The following PRKCE variants were observed in gnomAD, a reference collection of about 807,000 sequenced individuals.
The protein encoded by PRKCE is protein kinase C epsilon, also known as protein kinase C epsilon type.
In PRKCE, 16 loss-of-function variants were observed where a neutral mutation model predicts 85.4. That is an observed-to-expected ratio of 0.19 (90% CI 0.13 to 0.28). The LOEUF is 0.28. PRKCE is among the 10% of genes least tolerant of loss of function. PRKCE has a pLI of 1.00. For synonymous variants in PRKCE, 388 were observed against 371.5 expected (o/e 1.04, Z -0.51); for missense variants, 573 against 975.2 (o/e 0.59, Z 5.49).
chr2:45,984,739 C>T, intron 6 of PRKCE, 59 bp downstream of exon 6: 1 of 1,555,590 alleles, frequency 6.4e-7, no homozygotes, highest in Non-Finnish European at 8.7e-7. Context: ...GCTGCCTGCC[C>T]CCATCCCTGC....
chr2:45,995,443 A>G (rs543039319), intron 6 of PRKCE, among the ~76,000 whole-genome samples: 34 of 151,662 alleles, frequency 2.2e-4, no homozygotes, highest in African/African-American at 8.2e-4. Flanking sequence ...GGTTACCTAT[A>G]TTTTCTTCTA....
chr2:45,761,587 T>C (rs953781801), intron 1 of PRKCE, among the ~76,000 whole-genome samples: 6 of 152,150 alleles, frequency 3.9e-5, no homozygotes, highest in East Asian at 1.9e-4. Context: ...AAGATTCCAA[T>C]TGGCCTCACT....
intron 1 of PRKCE, among the ~76,000 whole-genome samples, chr2:45,738,996 A>T (rs1682321669): frequency 6.6e-6 from 1 of 152,336 alleles, no homozygotes; most frequent in African/African-American, 2.4e-5. Context: ...GATGGAAGCA[A>T]AGTGGGATGA....
chr2:45,995,332 A>T (rs1303715988), intron 6 of PRKCE, among the ~76,000 whole-genome samples: 1 of 151,674 alleles, frequency 6.6e-6, no homozygotes, highest in East Asian at 1.9e-4. Flanking sequence ...GACAGAGCAA[A>T]AGTTTTTTAT....
intron 14 of PRKCE, among the ~76,000 whole-genome samples, chr2:46,168,261 G>C (rs1335084866): frequency 6.6e-6 from 1 of 152,124 alleles, no homozygotes; most frequent in Non-Finnish European, 1.5e-5. Context: ...CATCAGACTA[G>C]TGTTTCTTGA....
intron 2 of PRKCE, among the ~76,000 whole-genome samples, chr2:45,913,427 G>A (rs1256525801): frequency 2.0e-5 from 3 of 152,226 alleles, no homozygotes; most frequent in African/African-American, 2.4e-5. Context: ...TTGGATTATA[G>A]GCGTGAGCCA....
chr2:45,917,895 C>T (rs1292177156), intron 2 of PRKCE, among the ~76,000 whole-genome samples: 1 of 137,684 alleles, frequency 7.3e-6, no homozygotes, highest in East Asian at 2.3e-4. Context: ...CCAGTACACC[C>T]TCCGCAGCCG....
At position 45,652,730 on chromosome 2, in the gene PRKCE, C is replaced by T. The variant is rs1048870280; in HGVS notation, c.348+282C>T. Among the ~76,000 whole-genome samples, 2 of 152,136 alleles carry T rather than the reference C, an allele frequency of 1.3e-5. No individual in the cohort carries two copies. The highest frequency in any genetic ancestry group is 4.8e-5 in the African/African-American group (2 of 41,420). ...GTTTGCAAACTGGGAGAGCCTGGGC[C>T]ACTGGTGCTGAAGGTTGGCCGAGGA... On this transcript the variant is annotated intron_variant, in intron 1 of 14. Coordinates refer to ENST00000306156, the MANE Select transcript of PRKCE (RefSeq NM_005400.3). The surrounding 1 kb of genome is among the most constrained non-coding windows in gnomAD (Gnocchi z 7.7).
At chr2:46,045,408 T>C (rs1392911469) in intron 10 of PRKCE, among the ~76,000 whole-genome samples, 1 of 152,242 alleles carries the variant, frequency 6.6e-6, no homozygotes, top group Non-Finnish European at 1.5e-5. Flanking sequence ...TTGCCTGACT[T>C]ATTTATCCCT....
chr2:45,833,164 G>C (rs1220198678), intron 1 of PRKCE, among the ~76,000 whole-genome samples: 1 of 150,054 alleles, frequency 6.7e-6, no homozygotes, highest in Non-Finnish European at 1.5e-5. Flanking sequence ...GAAAAGAAAA[G>C]AAAGAAAAAA....
At chr2:46,050,397 G>T (rs555102765) in intron 10 of PRKCE, among the ~76,000 whole-genome samples, 21 of 152,350 alleles carry the variant, frequency 1.4e-4, no homozygotes, top group African/African-American at 4.8e-4. Flanking sequence ...TGTTCCGCTC[G>T]TTAAAAGGTG....
chr2:45,667,320 T>A (rs1290596259), intron 1 of PRKCE, among the ~76,000 whole-genome samples: 3 of 151,508 alleles, frequency 2.0e-5, no homozygotes, highest in Non-Finnish European at 2.9e-5. Flanking sequence ...CAAAAAAAAA[T>A]TTTTTTTTAT....
intron 1 of PRKCE, among the ~76,000 whole-genome samples, chr2:45,831,101 T>C (rs1438346185): frequency 1.3e-5 from 2 of 151,970 alleles, no homozygotes; most frequent in Non-Finnish European, 2.9e-5. Flanking sequence ...GAGAAAAGAA[T>C]GCTGGGAAGA....
intron 7 of PRKCE, among the ~76,000 whole-genome samples, chr2:46,002,704 A>T (rs1167763190): frequency 6.6e-6 from 1 of 152,158 alleles, no homozygotes; most frequent in Non-Finnish European, 1.5e-5. Flanking sequence ...TGGAAACAAG[A>T]CTTCACTTGT....
Position 45,895,953 on chromosome 2 carries a change from C to T in PRKCE, c.412+52890C>T, listed in dbSNP as rs1213325100. ...GTGACACTGTCCACGAGGAAGGCCT[C>T]AGATGAAGGAGGGCACTTCAGGTAG... On this transcript the variant is annotated intron_variant, in intron 2 of 14. Coordinates refer to ENST00000306156, the MANE Select transcript of PRKCE (RefSeq NM_005400.3). This position sits in a 1 kb window ranked among gnomAD's most constrained non-coding sequence, Gnocchi z 4.8. 6.6e-6 allele frequency among the ~76,000 whole-genome samples: 1 copy of T among 152,126 alleles called. No homozygotes were observed. Among genetic ancestry groups the T allele is most frequent in the African/African-American group, 2.4e-5 (1 of 41,420 alleles).
intron 1 of PRKCE, among the ~76,000 whole-genome samples, chr2:45,704,041 A>T (rs947176407): frequency 2.8e-4 from 43 of 152,212 alleles, no homozygotes; most frequent in African/African-American, 1.0e-3. Flanking sequence ...TTAACCAAAC[A>T]TTCATTGAGC....
intron 2 of PRKCE, among the ~76,000 whole-genome samples, chr2:45,957,698 G>T (rs530012460): frequency 1.2e-4 from 18 of 152,022 alleles, no homozygotes; most frequent in Non-Finnish European, 1.8e-4. Flanking sequence ...ATTGCTTGAG[G>T]CCAGGAGTTT....
At chr2:45,835,977 T>A (rs1690842110) in intron 1 of PRKCE, among the ~76,000 whole-genome samples, 1 of 152,234 alleles carries the variant, frequency 6.6e-6, no homozygotes, top group Non-Finnish European at 1.5e-5. Flanking sequence ...TGTTGGACAT[T>A]TGGGACATTT....
intron 1 of PRKCE, among the ~76,000 whole-genome samples, chr2:45,749,752 G>A (rs1031699480): frequency 3.3e-5 from 5 of 152,226 alleles, no homozygotes; most frequent in African/African-American, 9.6e-5. Context: ...GATGGAACCA[G>A]AATTGAACAT....
Sources: gnomAD v4.1 joint callset for allele counts (sites outside exome capture counted in the v4.1 genomes callset) on GRCh38, gnomAD v4.1.1 for gene constraint, Gnocchi (gnomAD v3.1) non-coding constraint, MANE v1.5 for transcripts, NCBI Gene and HGNC (gene_info 2026-07-23, HGNC 2026-07-21) for gene names.